Variants in ARMH3 observed in about 807,000 individuals in gnomAD.
ARMH3 encodes the protein armadillo like helical domain containing 3, also known as armadillo-like helical domain-containing protein 3.
ARMH3 carries 60 observed loss-of-function variants against 99.1 expected under a neutral mutation model. That is an observed-to-expected ratio of 0.61 (90% CI 0.49 to 0.75). The LOEUF (loss-of-function observed/expected upper bound fraction) is 0.75. ARMH3 is among the 30% of genes least tolerant of loss of function. The pLI, the probability that ARMH3 is intolerant of heterozygous loss-of-function variation, is 0.00. For missense variants in ARMH3, 679 were observed against 843.1 expected (o/e 0.81, Z 2.41); for synonymous variants, 285 against 292.8 (o/e 0.97, Z 0.27).
intron 20 of ARMH3, among the ~76,000 whole-genome samples, chr10:101,961,630 A>G (rs946500682): frequency 3.3e-5 from 5 of 152,162 alleles, no homozygotes; most frequent in African/African-American, 1.2e-4. Flanking sequence ...ACTGGCACTC[A>G]GGATCTCAGT....
chr10:101,854,145 A>T (rs1589906915), intron 24 of ARMH3, among the ~76,000 whole-genome samples: 1 of 152,232 alleles, frequency 6.6e-6, no homozygotes. Context: ...CTGAGCTGGG[A>T]GTCCTACTCT....
intron 14 of ARMH3, among the ~76,000 whole-genome samples, chr10:102,005,229 A>C (rs1163536622): frequency 6.6e-6 from 1 of 151,996 alleles, no homozygotes; most frequent in Non-Finnish European, 1.5e-5. Context: ...ATAAACATAC[A>C]AAAATTAGCC....
intron 2 of ARMH3, among the ~76,000 whole-genome samples, chr10:102,033,900 G>A (rs1013643633): frequency 2.0e-5 from 3 of 152,098 alleles, no homozygotes; most frequent in African/African-American, 4.8e-5. Context: ...TTATCTTCTA[G>A]CAAGAAATGA....
chr10:101,923,137 G>C (rs986268285), intron 23 of ARMH3, among the ~76,000 whole-genome samples: 3 of 152,138 alleles, frequency 2.0e-5, no homozygotes, highest in African/African-American at 7.2e-5. Flanking sequence ...ATGTATAATC[G>C]AGGTAAAATT....
intron 14 of ARMH3, among the ~76,000 whole-genome samples, chr10:102,003,547 T>A (rs926894637): frequency 7.9e-5 from 12 of 152,218 alleles, no homozygotes; most frequent in Admixed American, 7.2e-4. Flanking sequence ...TTACACTGCC[T>A]AAGACACAAT....
intron 23 of ARMH3, among the ~76,000 whole-genome samples, chr10:101,902,897 G>A (rs1235231379): frequency 6.6e-6 from 1 of 152,110 alleles, no homozygotes; most frequent in Middle Eastern, 3.2e-3. Context: ...GTCTTTAGGG[G>A]AGAGTCGATG....
intron 23 of ARMH3, among the ~76,000 whole-genome samples, chr10:101,922,573 T>TGA (rs1277420757): frequency 2.0e-5 from 3 of 152,172 alleles, no homozygotes; most frequent in Non-Finnish European, 2.9e-5. Context: ...TTTCTTAAGG[T>TGA]GAGTGGTTCA....
Position 102,032,218 on chromosome 10 carries a change from G to C in ARMH3, c.306+808C>G, listed in dbSNP as rs1246128771. 2.0e-5 allele frequency among the ~76,000 whole-genome samples: 3 copies of C among 152,152 alleles called. No homozygotes were observed. In the East Asian group the frequency reaches 5.8e-4, roughly 29 times the overall value. ...GGCACAAGGAGTATTCTACTCACTG[G>C]AAACAAACTACTGAATGAAACTCTC... On this transcript the variant is annotated intron_variant, in intron 4 of 25. Transcript: ENST00000370033.
At chr10:102,031,113 A>G (rs61873638) in intron 4 of ARMH3, among the ~76,000 whole-genome samples, 7,466 of 152,274 alleles carry the variant, frequency 0.049, 197 homozygotes, top group Middle Eastern at 0.095. Flanking sequence ...TTTAATAACT[A>G]TAACAGTTAA....
intron 24 of ARMH3, among the ~76,000 whole-genome samples, chr10:101,886,788 A>G (rs1436904369): frequency 1.3e-5 from 2 of 152,158 alleles, no homozygotes; most frequent in Non-Finnish European, 2.9e-5. Flanking sequence ...CCAGAAAAAA[A>G]TGGCAGGCTG....
chr10:101,870,953 CAACA>C (rs1194546428), intron 24 of ARMH3, among the ~76,000 whole-genome samples: 3 of 151,758 alleles, frequency 2.0e-5, no homozygotes, highest in Non-Finnish European at 4.4e-5. Context: ...AAAACCCAAA[CAACA>C]AACAAACAAC....
At chr10:102,033,197 A>C in intron 3 of ARMH3, 25 bp from the exon 4 acceptor site, 2 of 1,614,010 alleles carry the variant, frequency 1.2e-6, no homozygotes, top group Non-Finnish European at 1.7e-6. Context: ...AATAAGGGGC[A>C]GAGTGCATTT....
At chr10:101,875,896 C>A (rs973507130) in intron 24 of ARMH3, among the ~76,000 whole-genome samples, 1 of 152,248 alleles carries the variant, frequency 6.6e-6, no homozygotes, top group African/African-American at 2.4e-5. Context: ...CTTGCACAAG[C>A]AAGGCATCCA....
chr10:101,953,855 A>AC (rs1457414207), intron 22 of ARMH3, among the ~76,000 whole-genome samples: 2 of 152,154 alleles, frequency 1.3e-5, no homozygotes, highest in Admixed American at 1.3e-4. Context: ...TTACCACAAT[A>AC]CCCCAAAATC....
At chr10:101,980,952 C>T (rs945374182) in intron 19 of ARMH3, among the ~76,000 whole-genome samples, 1 of 151,868 alleles carries the variant, frequency 6.6e-6, no homozygotes, top group Non-Finnish European at 1.5e-5. Flanking sequence ...AGCAAACTAA[C>T]ACAAGAACAG....
chr10:102,009,661 T>A (rs2066586656), intron 12 of ARMH3, among the ~76,000 whole-genome samples: 1 of 152,226 alleles, frequency 6.6e-6, no homozygotes, highest in African/African-American at 2.4e-5. Context: ...CCAGTTCTCA[T>A]CTACTTCATT....
intron 2 of ARMH3, among the ~76,000 whole-genome samples, chr10:102,036,697 C>T (rs1444967051): frequency 1.3e-5 from 2 of 152,016 alleles, no homozygotes; most frequent in African/African-American, 4.8e-5. Context: ...AGAGTCATCA[C>T]CACTCCCTAA....
At chr10:101,861,856 C>T (rs1456050186) in intron 24 of ARMH3, among the ~76,000 whole-genome samples, 2 of 139,062 alleles carry the variant, frequency 1.4e-5, no homozygotes, top group Admixed American at 7.6e-5. Flanking sequence ...CACAGCGAAA[C>T]GCCATCCCTA....
intron 21 of ARMH3, among the ~76,000 whole-genome samples, chr10:101,957,128 A>T (rs1480100016): frequency 6.6e-6 from 1 of 152,250 alleles, no homozygotes; most frequent in Non-Finnish European, 1.5e-5. Context: ...TAGCTCTACA[A>T]TGAAAATCAG....
Sources: allele counts gnomAD v4.1 joint callset (sites outside exome capture counted in the v4.1 genomes callset), GRCh38; gene constraint gnomAD v4.1.1; transcripts MANE v1.5; gene names NCBI Gene and HGNC (gene_info 2026-07-23, HGNC 2026-07-21).